FANCC: variants seen among roughly 807,000 people sequenced by gnomAD.
FANCC encodes Fanconi anemia group C protein.
A neutral mutation model predicts 71.3 loss-of-function variants in FANCC; 55 were observed. That is an observed-to-expected ratio of 0.77 (90% CI 0.62 to 0.97). FANCC has a LOEUF of 0.97. Ranked by LOEUF, FANCC falls within the 50% of genes least tolerant of loss-of-function variation. The pLI is 0.00. For missense variants in FANCC, 678 were observed against 670.9 expected (o/e 1.01, Z -0.12); for synonymous variants, 275 against 244.9 (o/e 1.12, Z -1.15).
intron 1 of FANCC, among the ~76,000 whole-genome samples, chr9:95,305,953 C>G (rs943100254): frequency 6.6e-6 from 1 of 152,092 alleles, no homozygotes; most frequent in Non-Finnish European, 1.5e-5. Context: ...AATTGTTTAA[C>G]CTGAGGTTTT....
At chr9:95,138,650 C>A (rs1390881612) in intron 7 of FANCC, among the ~76,000 whole-genome samples, 1 of 152,198 alleles carries the variant, frequency 6.6e-6, no homozygotes, top group Admixed American at 6.5e-5. Context: ...AGTGAGAGGT[C>A]TTCTGCCAGT....
intron 4 of FANCC, among the ~76,000 whole-genome samples, chr9:95,193,716 G>A (rs1827245840): frequency 6.6e-6 from 1 of 152,168 alleles, no homozygotes; most frequent in South Asian, 2.1e-4. Flanking sequence ...CAGTCAAAAT[G>A]TAAAGGGTGC....
chr9:95,199,306 T>A (rs79765847), intron 4 of FANCC, among the ~76,000 whole-genome samples: 1 of 151,610 alleles, frequency 6.6e-6, no homozygotes, highest in Non-Finnish European at 1.5e-5. Flanking sequence ...CTTCCCAGGA[T>A]TGACTCTGCA....
At chr9:95,158,947 A>C (rs192029639) in intron 6 of FANCC, among the ~76,000 whole-genome samples, 6 of 152,348 alleles carry the variant, frequency 3.9e-5, no homozygotes, top group Non-Finnish European at 8.8e-5. Context: ...AAGAGACTGC[A>C]TCAAGCAATG....
Position 95,101,519 on chromosome 9 carries a change from G to C in FANCC, c.*188C>G. On this transcript the variant is annotated 3_prime_UTR_variant, in exon 15 of 15. Transcript: ENST00000289081. The stretch of plus-strand genomic sequence containing the variant: ...AGTGAACATGTCTGACTGAGTCTGG[G>C]CTGAGGGACCTGGCTCTGCATTTTG... The C allele has an allele frequency of 1.4e-6, 1 of 707,216 alleles. No individual in the cohort carries two copies. Among genetic ancestry groups the C allele is most frequent in the Non-Finnish European group, 2.4e-6 (1 of 418,500 alleles). 43.8% of individuals were successfully genotyped at this position (707,216 alleles called of 1,614,324 possible). A position where few individuals can be genotyped will look rare whatever the true frequency, so the allele number is the denominator to read the frequency against.
intron 7 of FANCC, among the ~76,000 whole-genome samples, chr9:95,148,706 G>A (rs1263762186): frequency 6.6e-6 from 1 of 152,164 alleles, no homozygotes; most frequent in African/African-American, 2.4e-5. Flanking sequence ...CATGCATAAT[G>A]CTACAAAATT....
chr9:95,113,104 G>C (rs2072088826), intron 12 of FANCC, among the ~76,000 whole-genome samples: 2 of 152,208 alleles, frequency 1.3e-5, no homozygotes, highest in South Asian at 4.1e-4. Flanking sequence ...ACCAGGGAGG[G>C]TGTGTGGGGG....
chr9:95,251,382 G>A (rs1488846426), intron 1 of FANCC, among the ~76,000 whole-genome samples: 3 of 152,198 alleles, frequency 2.0e-5, no homozygotes, highest in East Asian at 1.9e-4. Context: ...GTGGTGCGAT[G>A]TTGGTTCACT....
chr9:95,279,724 G>A (rs1011097324), intron 1 of FANCC, among the ~76,000 whole-genome samples: 4 of 152,054 alleles, frequency 2.6e-5, no homozygotes, highest in Non-Finnish European at 5.9e-5. Context: ...AAGGTGGGTG[G>A]ATCACTTGAG....
intron 4 of FANCC, among the ~76,000 whole-genome samples, chr9:95,228,443 G>A (rs575045609): frequency 1.1e-3 from 163 of 152,308 alleles, no homozygotes; most frequent in African/African-American, 3.8e-3. Context: ...CCATGTGGAA[G>A]TCCCTCTCCT....
chr9:95,160,210 T>C (rs985763550), intron 6 of FANCC, among the ~76,000 whole-genome samples: 11 of 152,104 alleles, frequency 7.2e-5, no homozygotes, highest in African/African-American at 2.4e-4. Flanking sequence ...TTATATAAGG[T>C]GTAAGGAAGG....
chr9:95,256,796 C>T (rs576042953), intron 1 of FANCC, among the ~76,000 whole-genome samples: 21 of 151,718 alleles, frequency 1.4e-4, no homozygotes, highest in Admixed American at 2.0e-4. Flanking sequence ...ACCCATCTCA[C>T]GTGCAAAGAC....
At chr9:95,141,047 G>T (rs1018545894) in intron 7 of FANCC, among the ~76,000 whole-genome samples, 2 of 152,030 alleles carry the variant, frequency 1.3e-5, no homozygotes, top group Non-Finnish European at 2.9e-5. Context: ...CAGTGTCTCA[G>T]GCCTGTAGTC....
chr9:95,305,751 C>A (rs374217159), intron 1 of FANCC, among the ~76,000 whole-genome samples: 47 of 152,090 alleles, frequency 3.1e-4, no homozygotes, highest in Non-Finnish European at 6.0e-4. Context: ...TGAAAAGACA[C>A]GCCATACTTC....
At chr9:95,111,932 G>A (rs902338546) in intron 12 of FANCC, among the ~76,000 whole-genome samples, 3 of 152,154 alleles carry the variant, frequency 2.0e-5, no homozygotes, top group African/African-American at 4.8e-5. Flanking sequence ...GGAAGACTGC[G>A]GCCATGACCA....
At chr9:95,245,663 G>A (rs1260614291) in intron 3 of FANCC, among the ~76,000 whole-genome samples, 1 of 151,844 alleles carries the variant, frequency 6.6e-6, no homozygotes, top group African/African-American at 2.4e-5. Context: ...TTGGGAGGTC[G>A]AGGCGGGTGA....
rs931462868 is a variant in FANCC, at chr9:95,100,925, C to T, written c.*782G>A. On this transcript the variant is annotated 3_prime_UTR_variant, in exon 15 of 15. Coordinates refer to ENST00000289081, the MANE Select transcript of FANCC (RefSeq NM_000136.3). ...GATCACAGGTGTGAGCCACTGCACC[C>T]AGCCAGGCCAATTCTTTATCAGGAA... 2 of 232,990 alleles carry T rather than the reference C, an allele frequency of 8.6e-6. No homozygotes were observed. The highest frequency in any genetic ancestry group is 4.4e-5 in the African/African-American group (2 of 45,332). 14.4% of individuals were successfully genotyped at this position (232,990 alleles called of 1,614,324 possible). A position where few individuals can be genotyped will look rare whatever the true frequency, so the allele number is the denominator to read the frequency against.
chr9:95,220,126 A>T (rs568035390), intron 4 of FANCC, among the ~76,000 whole-genome samples: 4 of 152,390 alleles, frequency 2.6e-5, no homozygotes, highest in African/African-American at 7.2e-5. Flanking sequence ...AATGCTCGTC[A>T]TCACTGGTCA....
intron 1 of FANCC, among the ~76,000 whole-genome samples, chr9:95,261,918 C>T (rs1832076445): frequency 6.6e-6 from 1 of 152,088 alleles, no homozygotes; most frequent in Admixed American, 6.5e-5. Context: ...GGATAAAGTA[C>T]CAAGGGAAAC....
Sources: allele counts gnomAD v4.1 joint callset (sites outside exome capture counted in the v4.1 genomes callset), GRCh38; gene constraint gnomAD v4.1.1; transcripts MANE v1.5; gene names NCBI Gene and HGNC (gene_info 2026-07-23, HGNC 2026-07-21).